Variants in CTNNBIP1 observed in about 807,000 individuals in gnomAD.
CTNNBIP1 encodes the protein catenin beta interacting protein 1.
Under a neutral mutation model 11.8 loss-of-function variants are expected in CTNNBIP1, and 7 were observed. That is an observed-to-expected ratio of 0.60 (90% CI 0.34 to 1.12). The LOEUF (loss-of-function observed/expected upper bound fraction) is 1.12. Ranked by LOEUF, CTNNBIP1 falls within the 50% of genes most tolerant of loss-of-function variation. CTNNBIP1 has a pLI of 0.03. For synonymous variants in CTNNBIP1, 58 were observed against 43.9 expected (o/e 1.32, Z -1.26); for missense variants, 101 against 113.4 (o/e 0.89, Z 0.50).
At chr1:9,853,670 C>A (rs139656694) in intron 5 of CTNNBIP1, among the ~76,000 whole-genome samples, 7 of 152,346 alleles carry the variant, frequency 4.6e-5, no homozygotes, top group East Asian at 1.9e-4. Flanking sequence ...CTGTCTCCCC[C>A]CTTGGTATCT....
intron 5 of CTNNBIP1, among the ~76,000 whole-genome samples, chr1:9,861,193 A>G (rs1036989254): frequency 6.6e-6 from 1 of 152,210 alleles, no homozygotes; most frequent in Non-Finnish European, 1.5e-5. Context: ...ATTAATACCA[A>G]CTAGCATCTG....
intron 5 of CTNNBIP1, among the ~76,000 whole-genome samples, chr1:9,870,707 C>A (rs370943227): frequency 6.6e-6 from 1 of 152,188 alleles, no homozygotes; most frequent in Non-Finnish European, 1.5e-5. Context: ...AGACATCAGG[C>A]CTTTGGGGCA....
chr1:9,902,287 C>T (rs1310564951), intron 1 of CTNNBIP1, among the ~76,000 whole-genome samples: 4 of 152,116 alleles, frequency 2.6e-5, no homozygotes, highest in Non-Finnish European at 5.9e-5. Flanking sequence ...AGGTCTGGCG[C>T]CTGTTACATA....
intron 1 of CTNNBIP1, among the ~76,000 whole-genome samples, chr1:9,907,369 C>T (rs1418249381): frequency 6.6e-6 from 1 of 152,184 alleles, no homozygotes; most frequent in Non-Finnish European, 1.5e-5. Flanking sequence ...CGGGTTTTCA[C>T]CATGTTGCCC....
chr1:9,869,600 C>T (rs748144246), intron 5 of CTNNBIP1, among the ~76,000 whole-genome samples: 1 of 152,188 alleles, frequency 6.6e-6, no homozygotes, highest in Non-Finnish European at 1.5e-5. Context: ...GCTGGGATTA[C>T]AGCTGTGAGC....
At chr1:9,895,897 G>C (rs1639399560) in intron 1 of CTNNBIP1, among the ~76,000 whole-genome samples, 1 of 152,242 alleles carries the variant, frequency 6.6e-6, no homozygotes, top group African/African-American at 2.4e-5. Flanking sequence ...AAAAGTGCTG[G>C]GATTACAGGT....
rs867195200 is a variant in CTNNBIP1 at position 9,909,376 on chromosome 1, G to A, written c.-144+719C>T. Among the ~76,000 whole-genome samples, 6 of 152,292 alleles carry A rather than the reference G, an allele frequency of 3.9e-5. No homozygotes were observed. The South Asian group carries it at 1.2e-3, about 32-fold the overall frequency. On this transcript the variant is annotated intron_variant, in intron 1 of 5. Transcript: ENST00000377263. ...CAACACGGCCCCCGCCGCCTTCCCAGGGGCTAACCTGACAACAGGCACTGC... is the reference window on the plus strand; with the variant it reads ...CAACACGGCCCCCGCCGCCTTCCCAAGGGCTAACCTGACAACAGGCACTGC...
rs1269146801 is a variant in CTNNBIP1 at position 9,849,128 on chromosome 1, T to C, written c.*1590A>G. ...TCTCCCCAGATCCCACACCTGCCAGTGAGCCAGGGAGATAGGAGGACCACC... is the reference window on the plus strand; with the variant it reads ...TCTCCCCAGATCCCACACCTGCCAGCGAGCCAGGGAGATAGGAGGACCACC... On this transcript the variant is annotated 3_prime_UTR_variant, in exon 6 of 6. Coordinates refer to ENST00000377263, the MANE Select transcript of CTNNBIP1 (RefSeq NM_020248.3). The C allele has an allele frequency of 6.6e-6, 1 of 152,222 alleles. No individual in the cohort carries two copies. Among genetic ancestry groups the C allele is most frequent in the Admixed American group, 6.6e-5 (1 of 15,266 alleles). 9.4% of individuals were successfully genotyped at this position (152,222 alleles called of 1,614,324 possible).
chr1:9,859,774 G>A (rs2101447664), intron 5 of CTNNBIP1, among the ~76,000 whole-genome samples: 1 of 152,340 alleles, frequency 6.6e-6, no homozygotes, highest in South Asian at 2.1e-4. Context: ...AGACCTGGCT[G>A]GGGAAATCCT....
chr1:9,859,464 G>A (rs1301696622), intron 5 of CTNNBIP1, among the ~76,000 whole-genome samples: 1 of 152,162 alleles, frequency 6.6e-6, no homozygotes, highest in Non-Finnish European at 1.5e-5. Flanking sequence ...CTCTGCTCCC[G>A]CCAACACTCA....
At chr1:9,892,100 C>T (rs1285507192) in intron 1 of CTNNBIP1, among the ~76,000 whole-genome samples, 1 of 152,032 alleles carries the variant, frequency 6.6e-6, no homozygotes, top group African/African-American at 2.4e-5. Flanking sequence ...GCCACCGAGC[C>T]TGGCTTCTAC....
In CTNNBIP1 at chr1:9,878,707, C is replaced by T. The variant is rs183432359; in HGVS notation, c.-109-718G>A. Among the ~76,000 whole-genome samples, 25 of 152,288 alleles carry T rather than the reference C, an allele frequency of 1.6e-4. 1 individual carries two copies. Among genetic ancestry groups the T allele is most frequent in the Admixed American group, 1.2e-3 (19 of 15,292 alleles). On this transcript the variant is annotated intron_variant, in intron 2 of 5. Coordinates refer to ENST00000377263, the MANE Select transcript of CTNNBIP1 (RefSeq NM_020248.3). ...GCAAGAGCATGGATTGCCGAGTGGG[C>T]GGAGACACAGGAGAAGCAGGAGGCT... is the stretch of plus-strand genomic sequence containing the variant.
At chr1:9,891,537 G>A (rs970532803) in intron 1 of CTNNBIP1, among the ~76,000 whole-genome samples, 2 of 152,160 alleles carry the variant, frequency 1.3e-5, no homozygotes, top group African/African-American at 4.8e-5. Context: ...CTGTGCCCCC[G>A]GAAGCAGCCC....
chr1:9,890,255 AT>A (rs1639274516), intron 1 of CTNNBIP1, among the ~76,000 whole-genome samples: 3 of 152,282 alleles, frequency 2.0e-5, no homozygotes, highest in South Asian at 4.1e-4. Flanking sequence ...ACAGGAAGGC[AT>A]GTGGAGCCTG....
In CTNNBIP1 at chr1:9,909,418, C is replaced by G. The variant is rs767020191; in HGVS notation, c.-144+677G>C. On this transcript the variant is annotated intron_variant, in intron 1 of 5. Transcript: ENST00000377263. ...AGGCACTGCTCAGACAAGTTCAGCT[C>G]ACAAGGCAGAGGGAGGGATGGAGGG... Among the ~76,000 whole-genome samples, 17 of 152,276 alleles carry G rather than the reference C, an allele frequency of 1.1e-4. No homozygotes were observed. In the South Asian group the frequency reaches 2.7e-3, roughly 24 times the overall value.
intron 2 of CTNNBIP1, among the ~76,000 whole-genome samples, chr1:9,882,619 C>T (rs1448163460): frequency 6.6e-6 from 1 of 152,008 alleles, no homozygotes; most frequent in Non-Finnish European, 1.5e-5. Flanking sequence ...CCACTGTGGC[C>T]AAGGTGTGGA....
chr1:9,871,025 GGCTCA>G lies in CTNNBIP1; in HGVS notation c.187+157_187+161del, dbSNP rs1638848934. 6.6e-6 allele frequency among the ~76,000 whole-genome samples: 1 copy of G among 152,188 alleles called. No individual in the cohort carries two copies. The highest frequency in any genetic ancestry group is 2.1e-4 in the South Asian group (1 of 4,832). The stretch of plus-strand genomic sequence containing the variant: ...AGGTGGGAGGCTCCGAAGGTTTCCT[GGCTCA>G]GCTCTGTGGGTGGAGAGAGCTGTAG... On this transcript the variant is annotated intron_variant, in intron 5 of 5. Coordinates refer to ENST00000377263, the MANE Select transcript of CTNNBIP1 (RefSeq NM_020248.3). This position sits in a 1 kb window ranked among gnomAD's most constrained non-coding sequence, Gnocchi z 5.2.
intron 5 of CTNNBIP1, among the ~76,000 whole-genome samples, chr1:9,854,325 G>A (rs1638456970): frequency 2.1e-5 from 3 of 143,236 alleles, no homozygotes; most frequent in South Asian, 4.5e-4. Flanking sequence ...CTGAGATCGC[G>A]CCATTGTACT....
intron 5 of CTNNBIP1, among the ~76,000 whole-genome samples, chr1:9,861,636 T>C (rs1168454042): frequency 6.6e-6 from 1 of 152,220 alleles, no homozygotes; most frequent in Admixed American, 6.5e-5. Context: ...CAGCAGCCAG[T>C]GCTGTGTGGA....
Sources: allele counts gnomAD v4.1 joint callset (sites outside exome capture counted in the v4.1 genomes callset), GRCh38; gene constraint gnomAD v4.1.1; non-coding constraint Gnocchi (gnomAD v3.1); transcripts MANE v1.5; gene names NCBI Gene and HGNC (gene_info 2026-07-23, HGNC 2026-07-21).